Variants in CDH4 observed in about 807,000 individuals in gnomAD.
The protein encoded by CDH4 is cadherin-4.
Under a neutral mutation model 86.0 loss-of-function variants are expected in CDH4, and 33 were observed. The ratio of observed to expected loss-of-function variants is 0.38; its 90% CI spans 0.29 to 0.51. The LOEUF (loss-of-function observed/expected upper bound fraction) is 0.51. CDH4 is among the 20% of genes least tolerant of loss of function. The pLI is 0.86. For synonymous variants in CDH4, 555 were observed against 549.4 expected (o/e 1.01, Z -0.14); for missense variants, 1,114 against 1,307.4 (o/e 0.85, Z 2.28).
At chr20:61,687,903 T>A (rs2087604663) in intron 2 of CDH4, among the ~76,000 whole-genome samples, 1 of 152,232 alleles carries the variant, frequency 6.6e-6, no homozygotes, top group Non-Finnish European at 1.5e-5. Flanking sequence ...TTGGGTTTTT[T>A]AGTATTCAGG....
intron 4 of CDH4, among the ~76,000 whole-genome samples, chr20:61,792,938 C>A (rs1355877733): frequency 1.3e-5 from 2 of 150,396 alleles, no homozygotes; most frequent in African/African-American, 2.4e-5. Flanking sequence ...CATGAGCCAC[C>A]GTGCCTGGCC....
At chr20:61,700,770 TCTGTCTTCATGG>T (rs2087766890) in intron 2 of CDH4, among the ~76,000 whole-genome samples, 1 of 152,206 alleles carries the variant, frequency 6.6e-6, no homozygotes, top group Non-Finnish European at 1.5e-5. Flanking sequence ...CTTCTTCATG[TCTGTCTTCATGG>T]CCCAGGCCTG....
At chr20:61,389,939 G>A (rs6061649) in intron 2 of CDH4, among the ~76,000 whole-genome samples, 51,543 of 146,486 alleles carry the variant, frequency 0.35, 9,839 homozygotes, top group East Asian at 0.77. Flanking sequence ...GATTGGGTTC[G>A]TGCGGTCATA....
chr20:61,256,197 G>T lies in CDH4; in HGVS notation c.169+1260G>T, dbSNP rs146744126. Among the ~76,000 whole-genome samples, 144 of 152,232 alleles carry T rather than the reference G, an allele frequency of 9.5e-4. 1 individual carries two copies. The East Asian group carries it at 0.026, about 27-fold the overall frequency. On this transcript the variant is annotated intron_variant, in intron 2 of 15. Transcript: ENST00000614565. ...TGGACTCCCAGAGAAGGCCTGAGGGGATCCTTCACTCTCAGTGCGTTGGAC... is the reference window on the plus strand; with the variant it reads ...TGGACTCCCAGAGAAGGCCTGAGGGTATCCTTCACTCTCAGTGCGTTGGAC...
chr20:61,270,609 G>C (rs6071561), intron 2 of CDH4, among the ~76,000 whole-genome samples: 1 of 151,708 alleles, frequency 6.6e-6, no homozygotes, highest in Non-Finnish European at 1.5e-5. Context: ...AAAAAAAATA[G>C]AGTTATGTGC....
intron 2 of CDH4, among the ~76,000 whole-genome samples, chr20:61,462,493 A>G (rs1377096648): frequency 6.6e-6 from 1 of 152,216 alleles, no homozygotes; most frequent in Non-Finnish European, 1.5e-5. Flanking sequence ...GGATTCCTGC[A>G]TCATCTTCTG....
intron 2 of CDH4, chr20:61,570,404 C>CA (rs1568691296): frequency 1.1e-5 from 5 of 437,168 alleles, no homozygotes; most frequent in Non-Finnish European, 1.7e-5. Flanking sequence ...GGCCTGGCTG[C>CA]AGACGTACAC....
chr20:61,839,070 G>C (rs1360926994), intron 4 of CDH4, among the ~76,000 whole-genome samples: 1 of 152,204 alleles, frequency 6.6e-6, no homozygotes, highest in African/African-American at 2.4e-5. Context: ...GTTTTCCTGG[G>C]AACATCTCTG....
chr20:61,424,460 T>A (rs895707313), intron 2 of CDH4, among the ~76,000 whole-genome samples: 1 of 151,822 alleles, frequency 6.6e-6, no homozygotes, highest in African/African-American at 2.4e-5. Flanking sequence ...ACAGCACACA[T>A]GTATATATGC....
intron 2 of CDH4, among the ~76,000 whole-genome samples, chr20:61,451,770 C>T (rs1466180753): frequency 6.6e-6 from 1 of 152,026 alleles, no homozygotes; most frequent in Non-Finnish European, 1.5e-5. Context: ...GGCAGGAGGG[C>T]TCCCTGGCCG....
At chr20:61,687,419 T>C (rs1043150202) in intron 2 of CDH4, among the ~76,000 whole-genome samples, 17 of 152,096 alleles carry the variant, frequency 1.1e-4, no homozygotes, top group African/African-American at 3.9e-4. Flanking sequence ...GGACCCAAAA[T>C]GTGGATGGGC....
intron 2 of CDH4, among the ~76,000 whole-genome samples, chr20:61,670,399 A>C (rs1475801104): frequency 6.6e-6 from 1 of 152,046 alleles, no homozygotes; most frequent in Non-Finnish European, 1.5e-5. Flanking sequence ...TCATATATCC[A>C]CCTCTGACCT....
intron 2 of CDH4, among the ~76,000 whole-genome samples, chr20:61,439,226 C>T (rs988733295): frequency 3.9e-5 from 6 of 152,114 alleles, no homozygotes; most frequent in African/African-American, 4.8e-5. Flanking sequence ...AAGGGTGTTG[C>T]GGTGTGCGTT....
rs530784583 is a variant in CDH4 at position 61,713,861 on chromosome 20, T to C, written c.170-29702T>C. Among the ~76,000 whole-genome samples, 3 of 152,244 alleles carry C rather than the reference T, an allele frequency of 2.0e-5. No individual in the cohort carries two copies. In the South Asian group the frequency reaches 6.2e-4, roughly 32 times the overall value. On this transcript the variant is annotated intron_variant, in intron 2 of 15. Coordinates refer to ENST00000614565, the MANE Select transcript of CDH4 (RefSeq NM_001794.5). ...CTGTGGCTTTACCAGTGACACCTTCTCATCAACAAGGCGGGTGTGGGCATG... is the reference window on the plus strand; with the variant it reads ...CTGTGGCTTTACCAGTGACACCTTCCCATCAACAAGGCGGGTGTGGGCATG...
rs530828424 is a variant in CDH4, at chr20:61,350,026, C to T, written c.169+95089C>T. Among the ~76,000 whole-genome samples the T allele has an allele frequency of 5.9e-5, 9 of 152,292 alleles. No individual in the cohort carries two copies. The East Asian group carries it at 9.6e-4, about 16-fold the overall frequency. ...CAGGAAGGAACTGGACACATGTGGG[C>T]GAGGAGGCAGCCGCCCTCCAGTGCC... On this transcript the variant is annotated intron_variant, in intron 2 of 15. Transcript: ENST00000614565.
At chr20:61,870,276 C>A (rs549256589) in intron 6 of CDH4, among the ~76,000 whole-genome samples, 147 of 152,334 alleles carry the variant, frequency 9.6e-4, no homozygotes, top group Middle Eastern at 3.4e-3. Context: ...TGAGACATGA[C>A]AAACCCATGC....
In CDH4 at chr20:61,511,036, G is replaced by T. The variant is rs868854200; in HGVS notation, c.170-232527G>T. Reference sequence around the variant, plus strand: ...GAGCAAGAGCCTAATCATCACCAAGGGGGATGGCCCATGCCATTCATGACA... The same window carrying T: ...GAGCAAGAGCCTAATCATCACCAAGTGGGATGGCCCATGCCATTCATGACA... On this transcript the variant is annotated intron_variant, in intron 2 of 15. Coordinates refer to ENST00000614565, the MANE Select transcript of CDH4 (RefSeq NM_001794.5). Among the ~76,000 whole-genome samples, 6 of 152,296 alleles carry T rather than the reference G, an allele frequency of 3.9e-5. No homozygotes were observed. The Middle Eastern group carries it at 0.02, about 518-fold the overall frequency.
chr20:61,660,303 C>T (rs1296059537), intron 2 of CDH4, among the ~76,000 whole-genome samples: 1 of 152,248 alleles, frequency 6.6e-6, no homozygotes, highest in Non-Finnish European at 1.5e-5. Flanking sequence ...CGCAAGGCAT[C>T]TGTTCTCTTC....
intron 2 of CDH4, among the ~76,000 whole-genome samples, chr20:61,704,391 G>T (rs2087808165): frequency 6.6e-5 from 10 of 152,180 alleles, no homozygotes; most frequent in Admixed American, 6.5e-4. Context: ...CCCAGGTCAG[G>T]CAGCCTTGTG....
Sources: gnomAD v4.1 joint callset for allele counts (sites outside exome capture counted in the v4.1 genomes callset) on GRCh38, gnomAD v4.1.1 for gene constraint, MANE v1.5 for transcripts, NCBI Gene and HGNC (gene_info 2026-07-23, HGNC 2026-07-21) for gene names.